Variants in LRCH2 observed in about 807,000 individuals in gnomAD.
LRCH2 encodes the protein leucine-rich repeat and calponin homology domain-containing protein 2.
In LRCH2, 38 loss-of-function variants were observed where a neutral mutation model predicts 68.9. The ratio of observed to expected loss-of-function variants is 0.55; its 90% CI spans 0.43 to 0.72. The LOEUF is 0.72. Among genes scored for constraint, LRCH2 ranks in the 30% least tolerant of loss-of-function variants. The probability of loss-of-function intolerance (pLI) is 0.00; values close to 1 mark genes in which losing one functional copy is unlikely to be tolerated. For missense variants in LRCH2, 528 were observed against 572.9 expected (o/e 0.92, Z 0.80); for synonymous variants, 191 against 208.1 (o/e 0.92, Z 0.71).
At chrX:115,228,296 C>A (rs1354046641) in intron 1 of LRCH2, among the ~76,000 whole-genome samples, 4 of 111,202 alleles carry the variant, frequency 3.6e-5, no homozygotes, top group Non-Finnish European at 7.5e-5. Context: ...TTCCAGATAA[C>A]TGATTATAAG....
chrX:115,199,276 TACG>T (rs1212732324), intron 1 of LRCH2, among the ~76,000 whole-genome samples: 2 of 111,856 alleles, frequency 1.8e-5, no homozygotes, highest in African/African-American at 3.3e-5. Flanking sequence ...CAATTAACAA[TACG>T]ACAAGAACAA....
chrX:115,230,994 A>G (rs993768795), intron 1 of LRCH2, among the ~76,000 whole-genome samples: 1 of 111,054 alleles, frequency 9.0e-6, no homozygotes, highest in Non-Finnish European at 1.9e-5. Context: ...TGTAATGTGC[A>G]GCCAGGGTGG....
chrX:115,131,338 G>A (rs782647454), intron 14 of LRCH2, among the ~76,000 whole-genome samples: 8 of 103,808 alleles, frequency 7.7e-5, no homozygotes, highest in East Asian at 6.1e-4. Context: ...TCCCACCTAC[G>A]ACTGAGAACA....
intron 14 of LRCH2, among the ~76,000 whole-genome samples, chrX:115,134,334 C>T (rs2072270741): frequency 8.9e-6 from 1 of 112,521 alleles, no homozygotes; most frequent in Non-Finnish European, 1.9e-5. Context: ...GAAGATCTAG[C>T]TAGCTAAGAC....
intron 1 of LRCH2, among the ~76,000 whole-genome samples, chrX:115,221,069 C>T (rs1434859742): frequency 2.9e-5 from 3 of 103,424 alleles, no homozygotes; most frequent in Non-Finnish European, 3.9e-5. Flanking sequence ...CCCAGCTACT[C>T]GGGAGGCTGA....
At chrX:115,165,261 G>A (rs376087613) in intron 10 of LRCH2, 144 bp downstream of exon 10, 23 of 430,291 alleles carry the variant, frequency 5.3e-5, no homozygotes, top group African/African-American at 4.0e-4. Context: ...ACAGACAGAT[G>A]TGAAGTATTT....
At chrX:115,180,427 A>G (rs2072682809) in intron 3 of LRCH2, among the ~76,000 whole-genome samples, 1 of 110,300 alleles carries the variant, frequency 9.1e-6, no homozygotes, top group Non-Finnish European at 1.9e-5. Flanking sequence ...ATAATAACAA[A>G]TTGAGGTTTT....
chrX:115,233,134 C>T (rs922081136), intron 1 of LRCH2, among the ~76,000 whole-genome samples: 2 of 111,830 alleles, frequency 1.8e-5, no homozygotes, highest in Non-Finnish European at 3.8e-5. Context: ...ACTACCTTCT[C>T]AACACCAGGA....
chrX:115,130,534 G>A (rs781898321), intron 14 of LRCH2, among the ~76,000 whole-genome samples: 1 of 110,676 alleles, frequency 9.0e-6, no homozygotes, highest in African/African-American at 3.3e-5. Context: ...TCATCAAGTC[G>A]ATTCTTTTTT....
intron 14 of LRCH2, among the ~76,000 whole-genome samples, chrX:115,130,403 T>C (rs1001263445): frequency 2.4e-4 from 27 of 112,111 alleles, no homozygotes; most frequent in East Asian, 8.4e-4. Flanking sequence ...TTGTTATAAG[T>C]ACTTTATACA....
chrX:115,205,312 A>G (rs1401978989), intron 1 of LRCH2, among the ~76,000 whole-genome samples: 2 of 112,053 alleles, frequency 1.8e-5, no homozygotes, highest in Non-Finnish European at 3.8e-5. Context: ...AGAGTGATTA[A>G]TACATGGATC....
intron 1 of LRCH2, among the ~76,000 whole-genome samples, chrX:115,194,542 A>T (rs1249216891): frequency 1.8e-5 from 2 of 112,533 alleles, no homozygotes; most frequent in Non-Finnish European, 3.7e-5. Flanking sequence ...CCAGTTTGTT[A>T]TTCTGTATAA....
At chrX:115,170,937 C>G (rs902734655) in intron 5 of LRCH2, among the ~76,000 whole-genome samples, 2 of 110,903 alleles carry the variant, frequency 1.8e-5, no homozygotes, top group Admixed American at 1.9e-4. Context: ...GCTGGTGAGA[C>G]TGAAATAATA....
intron 17 of LRCH2, 146 bp downstream of exon 17, chrX:115,123,798 GA>G: frequency 3.0e-6 from 1 of 336,250 alleles, no homozygotes; most frequent in South Asian, 8.2e-5. Flanking sequence ...ATGGGAATTG[GA>G]AAGACAAATA....
At chrX:115,189,805 C>G (rs1556556446) in intron 1 of LRCH2, 1 of 1,167,440 alleles carries the variant, frequency 8.6e-7, no homozygotes, top group Admixed American at 2.6e-5. Flanking sequence ...ACAGCGACCC[C>G]CCTCTCAGGG....
chrX:115,181,911 AT>A (rs1451926189), intron 3 of LRCH2, among the ~76,000 whole-genome samples: 25 of 111,787 alleles, frequency 2.2e-4, no homozygotes, highest in African/African-American at 7.1e-4. Flanking sequence ...AAAAAAAAGC[AT>A]GGTTGTGCCT....
intron 1 of LRCH2, among the ~76,000 whole-genome samples, chrX:115,232,292 C>A (rs782038725): frequency 1.9e-5 from 2 of 108,056 alleles, no homozygotes; most frequent in South Asian, 8.1e-4. Context: ...AGAAAAAAAT[C>A]ACTATAATGA....
intron 1 of LRCH2, among the ~76,000 whole-genome samples, chrX:115,220,626 C>T (rs1005177105): frequency 9.0e-6 from 1 of 111,068 alleles, no homozygotes; most frequent in African/African-American, 3.3e-5. Context: ...GCTATACTAC[C>T]GAGAAAACTC....
intron 10 of LRCH2, 85 bp from the exon 11 acceptor site, chrX:115,163,868 T>G: frequency 1.6e-6 from 1 of 616,131 alleles, no homozygotes; most frequent in Non-Finnish European, 2.5e-6. Context: ...ACCATTTTTG[T>G]TTTTAACACC....
Sources: gnomAD v4.1 joint callset for allele counts (sites outside exome capture counted in the v4.1 genomes callset) on GRCh38, gnomAD v4.1.1 for gene constraint, MANE v1.5 for transcripts, NCBI Gene and HGNC (gene_info 2026-07-23, HGNC 2026-07-21) for gene names.